The following UBN2 variants were observed in gnomAD, a reference collection of about 807,000 sequenced individuals.
UBN2 encodes the protein ubinuclein 2.
UBN2 carries 35 observed loss-of-function variants against 120.2 expected under a neutral mutation model. The observed-to-expected ratio is 0.29, with a 90% CI of 0.22 to 0.39. UBN2 has a LOEUF of 0.39. Among genes scored for constraint, UBN2 ranks in the 10% least tolerant of loss-of-function variants. The pLI is 1.00. For synonymous variants in UBN2, 661 were observed against 648.7 expected (o/e 1.02, Z -0.29); for missense variants, 1,693 against 1,663.2 (o/e 1.02, Z -0.31).
intron 2 of UBN2, among the ~76,000 whole-genome samples, chr7:139,238,456 C>T (rs1584983885): frequency 7.9e-6 from 1 of 127,152 alleles, no homozygotes; most frequent in Non-Finnish European, 1.6e-5. Context: ...AAGACAGAGT[C>T]TCTGTCACTC....
At chr7:139,249,891 A>G (rs1329916432) in intron 2 of UBN2, among the ~76,000 whole-genome samples, 2 of 151,854 alleles carry the variant, frequency 1.3e-5, no homozygotes, top group Non-Finnish European at 2.9e-5. Context: ...TTGTTGAGAC[A>G]GGTCTCACTG....
intron 17 of UBN2, among the ~76,000 whole-genome samples, chr7:139,295,703 T>C (rs1798091273): frequency 6.6e-6 from 1 of 152,192 alleles, no homozygotes; most frequent in Non-Finnish European, 1.5e-5. Context: ...GCGGATGGCT[T>C]GAGTCCAGGA....
chr7:139,292,127 G>T (rs114562845), intron 15 of UBN2, among the ~76,000 whole-genome samples: 1 of 151,996 alleles, frequency 6.6e-6, no homozygotes, highest in African/African-American at 2.4e-5. Flanking sequence ...AGTGGCATGT[G>T]CCTGTAGTCT....
At chr7:139,290,654 T>A (rs1797926468) in intron 15 of UBN2, among the ~76,000 whole-genome samples, 1 of 152,180 alleles carries the variant, frequency 6.6e-6, no homozygotes, top group Admixed American at 6.5e-5. Context: ...TTCTCTTAAC[T>A]CTCAGATATG....
intron 15 of UBN2, 85 bp from the exon 16 acceptor site, chr7:139,293,147 C>A: frequency 9.0e-7 from 1 of 1,108,200 alleles, no homozygotes; most frequent in Non-Finnish European, 1.3e-6. Flanking sequence ...AAGGCACAGT[C>A]TTGCATCTGT....
At chr7:139,252,193 T>G (rs1037629560) in intron 3 of UBN2, 136 bp downstream of exon 3, 2 of 651,134 alleles carry the variant, frequency 3.1e-6, no homozygotes, top group African/African-American at 3.6e-5. Context: ...TACTTAAAGA[T>G]TTCTTTACCC....
intron 2 of UBN2, among the ~76,000 whole-genome samples, chr7:139,238,692 G>A (rs1441994523): frequency 6.6e-6 from 1 of 152,180 alleles, no homozygotes; most frequent in Non-Finnish European, 1.5e-5. Context: ...AAAGAGCTGG[G>A]ATTACAGGCG....
In UBN2 at chr7:139,231,616, C is replaced by T. The variant is rs1215961590; in HGVS notation, c.132C>T (p.Arg44=). ...CCCGGCTGGAGCCGCAGCCGTACCG[C>T]GAGCCGGCCCGGGCGGAGCCGCCGG... ...EPPRLEPQPY[R]EPARAEPPAP... The change falls in exon 1 of 18, where the codon CGC becomes CGT. Residue 44 remains arginine (R), a synonymous_variant. Transcript: ENST00000473989. The T allele has an allele frequency of 3.8e-6, 5 of 1,329,260 alleles. No individual in the cohort carries two copies. The African/African-American group carries it at 4.5e-5, about 12-fold the overall frequency. 82.3% of individuals were successfully genotyped at this position (1,329,260 alleles called of 1,614,324 possible).
chr7:139,261,542 C>T lies in UBN2; in HGVS notation c.1196C>T (p.Ala399Val). The change falls in exon 6 of 18, where the codon GCC becomes GTC. Residue 399 changes from alanine to valine, a missense_variant. Ala to Val is a moderately conservative substitution (Grantham distance 64). Coordinates refer to ENST00000473989, the MANE Select transcript of UBN2 (RefSeq NM_173569.4). ...GAGCTGTTTCAGGAAGCTGAAAATG[C>T]CCTAGAGATGCTAGATGATTTTGAC... ...EHELFQEAEN[A>V]LEMLDDFDFD... The T allele has an allele frequency of 1.2e-6, 2 of 1,614,164 alleles. No homozygotes were observed. Among genetic ancestry groups the T allele is most frequent in the Non-Finnish European group, 1.7e-6 (2 of 1,180,036 alleles).
the UBN2 span, among the ~76,000 whole-genome samples, chr7:139,319,230 G>A: frequency 2.0e-5 from 3 of 152,202 alleles, no homozygotes; most frequent in East Asian, 3.9e-4. Context: ...TTACAGGTGG[G>A]CACCACCATG....
the UBN2 span, among the ~76,000 whole-genome samples, chr7:139,313,821 A>G: frequency 6.6e-6 from 1 of 151,706 alleles, no homozygotes; most frequent in Admixed American, 6.6e-5. Flanking sequence ...TTTTCCCATA[A>G]TACCTATATA....
the UBN2 span, among the ~76,000 whole-genome samples, chr7:139,319,667 G>A: frequency 1.3e-5 from 2 of 152,166 alleles, no homozygotes; most frequent in African/African-American, 2.4e-5. Flanking sequence ...CAAACAACAC[G>A]TTCCTGCTCT....
chr7:139,279,439 GGT>G, intron 13 of UBN2, 79 bp downstream of exon 13: 4 of 1,183,562 alleles, frequency 3.4e-6, no homozygotes, highest in Non-Finnish European at 4.9e-6. Context: ...AAAGATGTAT[GGT>G]ATTTAGCAGA....
intron 2 of UBN2, among the ~76,000 whole-genome samples, chr7:139,250,512 G>A (rs1584994204): frequency 6.6e-6 from 1 of 151,568 alleles, no homozygotes; most frequent in East Asian, 1.9e-4. Context: ...GGGATTACTG[G>A]CATGAGGCAC....
In UBN2 at chr7:139,283,338, T is replaced by A. The variant is rs1797672091; in HGVS notation, c.2433T>A (p.Ser811Arg). 1.2e-6 allele frequency: 2 copies of A among 1,613,732 alleles called. No individual in the cohort carries two copies. The stretch of plus-strand genomic sequence containing the variant: ...AAGAAAAATTAGCAAGTATCATGAG[T>A]AAGCTGCCACTAGCTACTCCCAAAA... ...LREEKLASIM[S>R]KLPLATPKKL... is the part of the protein sequence containing the mutation. Residue 811 changes from serine to arginine, a missense_variant, in exon 15 of 18, where the codon AGT becomes AGA. Physicochemically the swap from Ser to Arg is moderately radical, Grantham distance 110. Around this residue, in one of 5 missense-constraint regions of UBN2, gnomAD observed 837 missense variants for 817.6 expected, o/e 1.02. Transcript: ENST00000473989.
chr7:139,283,935 C>T lies in UBN2; in HGVS notation c.3030C>T (p.Ser1010=), dbSNP rs531649973. Residue 1010 remains serine, a synonymous_variant, in exon 15 of 18, where the codon TCC becomes TCT. Transcript: ENST00000473989. ...VSRTVPSTTT[S]SNYLAKAMVS... is the part of the protein sequence containing the mutation. ...GGACAGTACCTAGCACCACTACCTC[C>T]AGTAACTATTTAGCCAAGGCTATGG... 25 of 1,614,138 alleles carry T rather than the reference C, an allele frequency of 1.5e-5. No individual in the cohort carries two copies. The highest frequency in any genetic ancestry group is 1.1e-4 in the South Asian group (10 of 91,078).
intron 15 of UBN2, 54 bp downstream of exon 15, chr7:139,284,628 C>T (rs545682759): frequency 6.6e-5 from 97 of 1,472,882 alleles, no homozygotes; most frequent in Non-Finnish European, 5.5e-6. Context: ...ATAATGTCGT[C>T]TTTCTTGTGG....
At chr7:139,266,210 T>C in intron 6 of UBN2, 123 bp from the exon 7 acceptor site, 1 of 521,060 alleles carries the variant, frequency 1.9e-6, no homozygotes, top group Non-Finnish European at 3.3e-6. Context: ...CTGGGCAACA[T>C]AGAGAGGCCC....
At chr7:139,253,868 A>G (rs760568051) in intron 3 of UBN2, among the ~76,000 whole-genome samples, 2 of 152,236 alleles carry the variant, frequency 1.3e-5, no homozygotes, top group Non-Finnish European at 2.9e-5. Context: ...CACAAATTAT[A>G]TATTATGTCT....
Sources: allele counts gnomAD v4.1 joint callset (sites outside exome capture counted in the v4.1 genomes callset), GRCh38; gene constraint gnomAD v4.1.1; regional missense constraint gnomAD v4.1.1; transcripts MANE v1.5; gene names NCBI Gene and HGNC (gene_info 2026-07-23, HGNC 2026-07-21).